CEP152: variants seen among roughly 807,000 people sequenced by gnomAD.
The protein encoded by CEP152 is centrosomal protein of 152 kDa.
In CEP152, 132 loss-of-function variants were observed where a neutral mutation model predicts 188.9. The ratio of observed to expected loss-of-function variants is 0.70; its 90% CI spans 0.61 to 0.81. The LOEUF (loss-of-function observed/expected upper bound fraction) is 0.81. Among genes scored for constraint, CEP152 ranks in the 30% least tolerant of loss-of-function variants. The probability of loss-of-function intolerance (pLI) is 0.00; values close to 1 mark genes in which losing one functional copy is unlikely to be tolerated. For missense variants in CEP152, 1,914 were observed against 1,969.8 expected, an observed-to-expected ratio of 0.97 and a Z score of 0.54; for synonymous variants, 649 against 666.6, an observed-to-expected ratio of 0.97 and a Z score of 0.41.
At chr15:48,771,793 T>G (rs1179434021) in intron 13 of CEP152, among the ~76,000 whole-genome samples, 1 of 152,240 alleles carries the variant, frequency 6.6e-6, no homozygotes, top group Non-Finnish European at 1.5e-5. Flanking sequence ...CTACCTTAAA[T>G]GTGCTCAGAA....
In CEP152 at chr15:48,752,398, A is replaced by G. The variant is rs1319676020; in HGVS notation, c.3417T>C (p.Ala1139=). ...AGGCCAAGGGCTGAGCATGGTGTCC[A>G]GCAGCAGGTCCAGGGTCTCCTTGGC... ...GTGQGDPGPA[A]GHHAQPLALQ... Residue 1139 remains alanine, a synonymous_variant, in exon 21 of 27, where the codon GCT becomes GCC. Coordinates refer to ENST00000380950, the MANE Select transcript of CEP152 (RefSeq NM_001194998.2). 8 of 1,613,918 alleles carry G rather than the reference A, an allele frequency of 5.0e-6. No homozygotes were observed. Among genetic ancestry groups the G allele is most frequent in the Non-Finnish European group, 6.8e-6 (8 of 1,180,030 alleles).
At chr15:48,795,886 T>C (rs1897256247) in intron 6 of CEP152, 124 bp downstream of exon 6, 2 of 873,266 alleles carry the variant, frequency 2.3e-6, no homozygotes, top group Admixed American at 2.3e-5. Context: ...CTTTGAAATA[T>C]CAAGCACAAT....
intron 15 of CEP152, 136 bp downstream of exon 15, chr15:48,768,083 C>A (rs1566999323): frequency 3.0e-6 from 2 of 674,232 alleles, no homozygotes; most frequent in Non-Finnish European, 2.7e-6. Flanking sequence ...GCCAGGGACT[C>A]ATCTCTGCCA....
At chr15:48,780,704 G>C (rs1402925448) in intron 12 of CEP152, among the ~76,000 whole-genome samples, 1 of 152,132 alleles carries the variant, frequency 6.6e-6, no homozygotes, top group Non-Finnish European at 1.5e-5. Flanking sequence ...TGAATGCATA[G>C]CACTTAGTTG....
chr15:48,772,826 T>G, intron 12 of CEP152, 135 bp from the exon 13 acceptor site: 1 of 724,144 alleles, frequency 1.4e-6, no homozygotes, highest in East Asian at 2.7e-5. Flanking sequence ...CAAAACAATT[T>G]TAAATGTTGT....
intron 12 of CEP152, 70 bp from the exon 13 acceptor site, chr15:48,772,761 A>T (rs1047756003): frequency 5.2e-6 from 7 of 1,335,260 alleles, no homozygotes; most frequent in Non-Finnish European, 7.5e-6. Flanking sequence ...CCCTAAAAGC[A>T]CTGACCACAG....
chr15:48,746,060 C>T (rs551239078), intron 22 of CEP152, among the ~76,000 whole-genome samples: 1 of 152,024 alleles, frequency 6.6e-6, no homozygotes, highest in African/African-American at 2.4e-5. Context: ...CTCACTCCCA[C>T]CCCATCTATT....
At chr15:48,746,277 G>A (rs956256023) in intron 22 of CEP152, among the ~76,000 whole-genome samples, 1 of 151,918 alleles carries the variant, frequency 6.6e-6, no homozygotes, top group South Asian at 2.1e-4. Flanking sequence ...GCAAGTCTAC[G>A]AGTTTTAGAA....
At chr15:48,769,379 T>C (rs1224998224) in intron 13 of CEP152, among the ~76,000 whole-genome samples, 1 of 152,220 alleles carries the variant, frequency 6.6e-6, no homozygotes, top group Non-Finnish European at 1.5e-5. Flanking sequence ...CATGTTTCAT[T>C]AGTCTCCTCC....
rs753203845 is a variant in CEP152, at chr15:48,738,783, T to G, written c.4599A>C (p.Leu1533Phe). The G allele has an allele frequency of 1.2e-6, 2 of 1,614,218 alleles. No homozygotes were observed. The highest frequency in any genetic ancestry group is 1.7e-6 in the Non-Finnish European group (2 of 1,180,014). ...TTAGTGGATTGCATTTATATACTTTTAAACCAAGTCTTTCATTAGAATCGC... is the reference window on the plus strand; with the variant it reads ...TTAGTGGATTGCATTTATATACTTTGAAACCAAGTCTTTCATTAGAATCGC... Reference protein sequence around the residue: ...TFRDSNERLGLKVYKCNPLME... With the variant: ...TFRDSNERLGFKVYKCNPLME... The change falls in exon 27 of 27, where the codon TTA (leucine) becomes TTC (phenylalanine). Residue 1533 changes from leucine to phenylalanine, a missense_variant. Leu to Phe is a conservative substitution (Grantham distance 22). Coordinates refer to ENST00000380950, the MANE Select transcript of CEP152 (RefSeq NM_001194998.2).
intron 7 of CEP152, 26 bp from the exon 8 acceptor site, chr15:48,791,402 A>C (rs1409388249): frequency 6.2e-7 from 1 of 1,602,418 alleles, no homozygotes; most frequent in Admixed American, 1.7e-5. Flanking sequence ...TGTTTATATA[A>C]ATAATGTTCC....
intron 9 of CEP152, among the ~76,000 whole-genome samples, chr15:48,787,593 T>C (rs1896747017): frequency 6.6e-6 from 1 of 152,032 alleles, no homozygotes; most frequent in South Asian, 2.1e-4. Flanking sequence ...AAAAATAAAA[T>C]AAAATGATAA....
In CEP152 at chr15:48,803,170, C is replaced by A. The variant is rs529859713; in HGVS notation, c.87+2393G>T. Reference sequence around the variant, plus strand: ...GTAGAGAAAGCAATATGCATTAGCCCACTGCTAACAGTTATAACCTAGCCA... The same window carrying A: ...GTAGAGAAAGCAATATGCATTAGCCAACTGCTAACAGTTATAACCTAGCCA... On this transcript the variant is annotated intron_variant, in intron 2 of 26. Transcript: ENST00000380950. Among the ~76,000 whole-genome samples, 64 of 152,310 alleles carry A rather than the reference C, an allele frequency of 4.2e-4. No individual in the cohort carries two copies. The South Asian group carries it at 0.013, about 30-fold the overall frequency.
At chr15:48,773,965 C>T (rs1247110136) in intron 12 of CEP152, among the ~76,000 whole-genome samples, 3 of 151,988 alleles carry the variant, frequency 2.0e-5, no homozygotes, top group Non-Finnish European at 4.4e-5. Context: ...TAGAAACTAA[C>T]CCATCAATGA....
chr15:48,743,682 G>A (rs1461352568), intron 24 of CEP152, among the ~76,000 whole-genome samples: 1 of 152,152 alleles, frequency 6.6e-6, no homozygotes, highest in Admixed American at 6.5e-5. Flanking sequence ...GGCCAACACG[G>A]TGAAACCCTG....
intron 18 of CEP152, 140 bp from the exon 19 acceptor site, chr15:48,760,406 A>G: frequency 2.1e-6 from 2 of 965,634 alleles, no homozygotes; most frequent in Non-Finnish European, 3.2e-6. Context: ...CAAGTACCCT[A>G]CCTATCCCAA....
rs531058211 is a variant in CEP152, at chr15:48,765,051, G to T, written c.2280+2009C>A. Reference sequence around the variant, plus strand: ...CTGAAAAATGTGAGAAGATTAGACAGTCTCCTAAATATAAAGATGTTTCAG... The same window carrying T: ...CTGAAAAATGTGAGAAGATTAGACATTCTCCTAAATATAAAGATGTTTCAG... On this transcript the variant is annotated intron_variant, in intron 17 of 26. Coordinates refer to ENST00000380950, the MANE Select transcript of CEP152 (RefSeq NM_001194998.2). 4.6e-5 allele frequency among the ~76,000 whole-genome samples: 7 copies of T among 151,668 alleles called. No homozygotes were observed. The South Asian group carries it at 1.5e-3, about 32-fold the overall frequency.
chr15:48,762,469 C>T lies in CEP152; in HGVS notation c.2484G>A (p.Lys828=). The change falls in exon 18 of 27, where the codon AAG becomes AAA. Residue 828 remains lysine (K), a synonymous_variant. Coordinates refer to ENST00000380950, the MANE Select transcript of CEP152 (RefSeq NM_001194998.2). ...TCATAGCCCCCTTGATGGCTATGTC[C>T]TTCTCTTGTTCTAAGTTTTGCTGGA... ...CTIQQNLEQE[K]DIAIKGAMKK... 1 of 1,613,938 alleles carries T rather than the reference C, an allele frequency of 6.2e-7. No individual in the cohort carries two copies. The highest frequency in any genetic ancestry group is 8.5e-7 in the Non-Finnish European group (1 of 1,179,892).
At chr15:48,784,216 C>A in intron 9 of CEP152, 96 bp from the exon 10 acceptor site, 1 of 1,225,504 alleles carries the variant, frequency 8.2e-7, no homozygotes, top group Non-Finnish European at 1.2e-6. Flanking sequence ...TGATGTCAAA[C>A]ACAAGATCAT....
Sources: allele counts gnomAD v4.1 joint callset (sites outside exome capture counted in the v4.1 genomes callset), GRCh38; gene constraint gnomAD v4.1.1; transcripts MANE v1.5; gene names NCBI Gene and HGNC (gene_info 2026-07-23, HGNC 2026-07-21).